GPC6: variants seen among roughly 807,000 people sequenced by gnomAD.
GPC6 encodes the protein glypican 6, also known as glypican-6.
A neutral mutation model predicts 55.2 loss-of-function variants in GPC6; 14 were observed. That is an observed-to-expected ratio of 0.25 (90% CI 0.17 to 0.40). GPC6 has a LOEUF of 0.40. GPC6 is among the 10% of genes least tolerant of loss of function. GPC6 has a pLI of 1.00. For missense variants in GPC6, 641 were observed against 708.5 expected, an observed-to-expected ratio of 0.90 and a Z score of 1.08; for synonymous variants, 278 against 259.6, an observed-to-expected ratio of 1.07 and a Z score of -0.68.
At chr13:93,429,668 A>G (rs1301431007) in intron 1 of GPC6, among the ~76,000 whole-genome samples, 2 of 152,108 alleles carry the variant, frequency 1.3e-5, no homozygotes, top group African/African-American at 4.8e-5. Flanking sequence ...TTGGCATCTG[A>G]TATGAGAAAA....
rs183621987 is a variant in GPC6 at position 93,808,468 on chromosome 13, C to G, written c.320-21686C>G. Among the ~76,000 whole-genome samples, 113 of 152,216 alleles carry G rather than the reference C, an allele frequency of 7.4e-4. 1 individual carries two copies. Among genetic ancestry groups the G allele is most frequent in the African/African-American group, 2.6e-3 (108 of 41,536 alleles). ...TCTCTCTATATGAGATGCTTTCAGC[C>G]AAGGTCTTCTATCCTCAACATTTGT... is the stretch of plus-strand genomic sequence containing the variant. On this transcript the variant is annotated intron_variant, in intron 2 of 8. Coordinates refer to ENST00000377047, the MANE Select transcript of GPC6 (RefSeq NM_005708.5).
intron 3 of GPC6, among the ~76,000 whole-genome samples, chr13:93,979,335 G>T (rs574449842): frequency 3.8e-4 from 56 of 147,806 alleles, no homozygotes; most frequent in South Asian, 1.5e-3. Context: ...GTGTTTTTTT[G>T]TGTGTGTGTG....
chr13:94,282,897 G>T (rs528417057), intron 4 of GPC6, among the ~76,000 whole-genome samples: 1 of 152,354 alleles, frequency 6.6e-6, no homozygotes, highest in South Asian at 2.1e-4. Context: ...TCAGAGGACA[G>T]GACATAAACC....
chr13:93,658,409 A>G (rs1323570670), intron 2 of GPC6, among the ~76,000 whole-genome samples: 1 of 151,936 alleles, frequency 6.6e-6, no homozygotes, highest in Non-Finnish European at 1.5e-5. Context: ...ATCAACTCAT[A>G]TTAATTTTTG....
intron 1 of GPC6, among the ~76,000 whole-genome samples, chr13:93,366,533 A>C (rs1278658519): frequency 2.0e-5 from 3 of 152,106 alleles, no homozygotes; most frequent in Admixed American, 6.6e-5. Context: ...AAATTTCTAA[A>C]ATGAGCCACC....
chr13:93,267,672 A>C (rs968879969), intron 1 of GPC6, among the ~76,000 whole-genome samples: 1 of 152,196 alleles, frequency 6.6e-6, no homozygotes, highest in African/African-American at 2.4e-5. Flanking sequence ...TGTAGGACTA[A>C]GATATTTTAT....
chr13:93,728,489 C>G (rs1883719348), intron 2 of GPC6, among the ~76,000 whole-genome samples: 1 of 151,818 alleles, frequency 6.6e-6, no homozygotes, highest in Non-Finnish European at 1.5e-5. Flanking sequence ...GATCAACCCA[C>G]TTTGGCTTCC....
chr13:94,364,232 A>G (rs1186154270), intron 6 of GPC6, among the ~76,000 whole-genome samples: 3 of 152,142 alleles, frequency 2.0e-5, no homozygotes, highest in Non-Finnish European at 4.4e-5. Flanking sequence ...AGCTTGTAGG[A>G]GACTAAGAGG....
chr13:93,291,520 G>T (rs959036732), intron 1 of GPC6, among the ~76,000 whole-genome samples: 1 of 151,998 alleles, frequency 6.6e-6, no homozygotes, highest in East Asian at 1.9e-4. Flanking sequence ...TCTACTTGGA[G>T]CCTTAGAATA....
intron 4 of GPC6, among the ~76,000 whole-genome samples, chr13:94,112,700 C>A (rs1327678171): frequency 6.6e-6 from 1 of 152,130 alleles, no homozygotes. Flanking sequence ...GTATGACTGG[C>A]ACATCTTTTA....
chr13:93,456,864 G>A (rs879374899), intron 1 of GPC6, among the ~76,000 whole-genome samples: 1 of 152,072 alleles, frequency 6.6e-6, no homozygotes, highest in Admixed American at 6.5e-5. Context: ...TGGTTTGGCT[G>A]TGTCCCCACC....
At chr13:93,949,580 G>A (rs1272803562) in intron 3 of GPC6, among the ~76,000 whole-genome samples, 1 of 152,264 alleles carries the variant, frequency 6.6e-6, no homozygotes, top group East Asian at 1.9e-4. Flanking sequence ...TTAATCATTA[G>A]TCACAGGACA....
At chr13:93,400,356 C>G (rs1450989562) in intron 1 of GPC6, among the ~76,000 whole-genome samples, 1 of 141,004 alleles carries the variant, frequency 7.1e-6, no homozygotes, top group Non-Finnish European at 1.6e-5. Context: ...AAAAAAAATA[C>G]AGAGTCCCTG....
intron 2 of GPC6, among the ~76,000 whole-genome samples, chr13:93,661,771 C>A (rs1429283023): frequency 6.6e-6 from 1 of 152,116 alleles, no homozygotes; most frequent in African/African-American, 2.4e-5. Context: ...ATTTATGAGG[C>A]AGGGGTTGCC....
chr13:93,732,553 C>G (rs573644990), intron 2 of GPC6, among the ~76,000 whole-genome samples: 1 of 152,210 alleles, frequency 6.6e-6, no homozygotes, highest in African/African-American at 2.4e-5. Flanking sequence ...GCAATCAAAC[C>G]AGTTATGGCT....
intron 1 of GPC6, among the ~76,000 whole-genome samples, chr13:93,297,959 T>C (rs541042254): frequency 3.2e-4 from 48 of 152,280 alleles, no homozygotes; most frequent in African/African-American, 1.1e-3. Context: ...GTCACCACAA[T>C]TGGCTTGATA....
intron 2 of GPC6, among the ~76,000 whole-genome samples, chr13:93,565,438 A>G (rs1279332055): frequency 6.6e-6 from 1 of 152,200 alleles, no homozygotes; most frequent in Non-Finnish European, 1.5e-5. Context: ...TTGGATTAAC[A>G]AATTTAAACT....
At chr13:93,646,384 C>G (rs1414250475) in intron 2 of GPC6, among the ~76,000 whole-genome samples, 5 of 152,062 alleles carry the variant, frequency 3.3e-5, no homozygotes, top group Non-Finnish European at 7.4e-5. Context: ...TGTTTGCAAA[C>G]TAGCCAACAA....
Position 94,184,464 on chromosome 13 carries a change from A to AC in GPC6, c.878-101885_878-101884insC, listed in dbSNP as rs149434462. On this transcript the variant is annotated intron_variant, in intron 4 of 8. Transcript: ENST00000377047. Reference sequence around the variant, plus strand: ...TAAGCAAAAAACAAATAACCCCATTAAAAAAATGGACAAAGGACATAACAG... The same window carrying AC: ...TAAGCAAAAAACAAATAACCCCATTACAAAAAATGGACAAAGGACATAACAG... Among the ~76,000 whole-genome samples the AC allele has an allele frequency of 2.8e-3, 429 of 152,202 alleles. 22 individuals are homozygous for AC. The East Asian group carries it at 0.072, about 26-fold the overall frequency.
Sources: allele counts gnomAD v4.1 joint callset (sites outside exome capture counted in the v4.1 genomes callset), GRCh38; gene constraint gnomAD v4.1.1; transcripts MANE v1.5; gene names NCBI Gene and HGNC (gene_info 2026-07-23, HGNC 2026-07-21).